Variants in RPS6KA6 observed in about 807,000 individuals in gnomAD.
The protein encoded by RPS6KA6 is ribosomal protein S6 kinase alpha-6.
In RPS6KA6, 27 loss-of-function variants were observed where a neutral mutation model predicts 65.4. That is an observed-to-expected ratio of 0.41 (90% CI 0.30 to 0.57). The LOEUF (loss-of-function observed/expected upper bound fraction) is 0.57. Among genes scored for constraint, RPS6KA6 ranks in the 20% least tolerant of loss-of-function variants. The pLI is 0.24. For synonymous variants in RPS6KA6, 190 were observed against 184.2 expected, an observed-to-expected ratio of 1.03 and a Z score of -0.26; for missense variants, 486 against 555.6, an observed-to-expected ratio of 0.87 and a Z score of 1.26.
intron 2 of RPS6KA6, among the ~76,000 whole-genome samples, chrX:84,160,967 C>T (rs2035501802): frequency 9.0e-6 from 1 of 110,815 alleles, no homozygotes; most frequent in African/African-American, 3.3e-5. Context: ...CAAACTAGTT[C>T]CCACTTGGTT....
chrX:84,178,730 T>C (rs941499279), intron 1 of RPS6KA6, among the ~76,000 whole-genome samples: 1 of 111,338 alleles, frequency 9.0e-6, no homozygotes, highest in African/African-American at 3.3e-5. Flanking sequence ...CATACCTGTG[T>C]AAAAAAGTAG....
intron 8 of RPS6KA6, among the ~76,000 whole-genome samples, chrX:84,133,018 A>G (rs1445558646): frequency 3.6e-5 from 4 of 112,238 alleles, no homozygotes; most frequent in Admixed American, 1.9e-4. Flanking sequence ...AAAATTAAAG[A>G]GAAAGATAAA....
At chrX:84,087,788 T>C (rs2033958050) in intron 20 of RPS6KA6, among the ~76,000 whole-genome samples, 1 of 111,890 alleles carries the variant, frequency 8.9e-6, no homozygotes, top group Non-Finnish European at 1.9e-5. Flanking sequence ...CTCTTTCCGG[T>C]ACCCCAATCA....
intron 2 of RPS6KA6, among the ~76,000 whole-genome samples, chrX:84,156,701 T>C (rs925717150): frequency 1.8e-5 from 2 of 111,720 alleles, no homozygotes; most frequent in South Asian, 7.5e-4. Flanking sequence ...CCAACAAATG[T>C]TTCCAGGCTA....
intron 20 of RPS6KA6, among the ~76,000 whole-genome samples, chrX:84,086,478 C>G (rs1321726764): frequency 9.0e-6 from 1 of 111,524 alleles, no homozygotes; most frequent in Non-Finnish European, 1.9e-5. Context: ...GAGTAAATAT[C>G]TTAATCTTGA....
At chrX:84,154,234 T>C (rs1426714670) in intron 3 of RPS6KA6, among the ~76,000 whole-genome samples, 1 of 111,273 alleles carries the variant, frequency 9.0e-6, no homozygotes, top group African/African-American at 3.3e-5. Context: ...GTGAACAGAG[T>C]GTACTCCTGG....
intron 1 of RPS6KA6, among the ~76,000 whole-genome samples, chrX:84,170,796 C>G (rs747744531): frequency 2.7e-5 from 3 of 111,494 alleles, no homozygotes; most frequent in Non-Finnish European, 5.7e-5. Flanking sequence ...CTTCTATAAT[C>G]CCCATCCCCT....
At chrX:84,097,675 T>G (rs1454809136) in intron 19 of RPS6KA6, 97 bp downstream of exon 19, 1 of 510,107 alleles carries the variant, frequency 2.0e-6, no homozygotes, top group African/African-American at 2.4e-5. Context: ...AAATGTCATT[T>G]TCCTTAAAGT....
chrX:84,137,119 T>C (rs1328060386), intron 6 of RPS6KA6, among the ~76,000 whole-genome samples: 1 of 111,954 alleles, frequency 8.9e-6, no homozygotes, highest in Non-Finnish European at 1.9e-5. Flanking sequence ...TAAAGCACTT[T>C]TAATATTTTG....
chrX:84,149,145 C>T (rs1378721210), intron 3 of RPS6KA6, among the ~76,000 whole-genome samples: 1 of 112,004 alleles, frequency 8.9e-6, no homozygotes, highest in Non-Finnish European at 1.9e-5. Context: ...AACTCCTCAT[C>T]CATTCAAGTT....
intron 1 of RPS6KA6, among the ~76,000 whole-genome samples, chrX:84,172,628 A>C (rs1351473633): frequency 8.9e-6 from 1 of 111,827 alleles, no homozygotes; most frequent in Non-Finnish European, 1.9e-5. Flanking sequence ...AGAACCAAAA[A>C]AATCGAAAGC....
intron 20 of RPS6KA6, among the ~76,000 whole-genome samples, chrX:84,067,738 C>T (rs1569365729): frequency 9.0e-6 from 1 of 111,241 alleles, no homozygotes; most frequent in African/African-American, 3.3e-5. Context: ...GCAAGACATG[C>T]CAACATTCAA....
intron 20 of RPS6KA6, among the ~76,000 whole-genome samples, chrX:84,067,612 T>C (rs1282310745): frequency 8.9e-6 from 1 of 111,785 alleles, no homozygotes; most frequent in Non-Finnish European, 1.9e-5. Flanking sequence ...CAATAAAATG[T>C]GGGTCTATGT....
chrX:84,129,937 C>A (rs1444319887), intron 8 of RPS6KA6, among the ~76,000 whole-genome samples: 1 of 110,612 alleles, frequency 9.0e-6, no homozygotes, highest in African/African-American at 3.3e-5. Context: ...GCTAGCACAA[C>A]AGGGTGAGTA....
chrX:84,088,617 C>A (rs749929777), intron 20 of RPS6KA6, among the ~76,000 whole-genome samples: 32 of 112,063 alleles, frequency 2.9e-4, no homozygotes, highest in Admixed American at 5.7e-4. Context: ...ATCAGGATCC[C>A]ACTTTAAGAA....
intron 2 of RPS6KA6, 113 bp from the exon 3 acceptor site, chrX:84,156,304 A>T (rs2035415391): frequency 2.3e-6 from 1 of 442,205 alleles, no homozygotes. Context: ...TGTAGCAGAG[A>T]GTTTTATGGG....
At chrX:84,068,011 G>A (rs780631607) in intron 20 of RPS6KA6, among the ~76,000 whole-genome samples, 2 of 111,750 alleles carry the variant, frequency 1.8e-5, no homozygotes, top group Admixed American at 9.5e-5. Flanking sequence ...TTCATATACA[G>A]CCAAACTAAA....
intron 18 of RPS6KA6, among the ~76,000 whole-genome samples, chrX:84,099,348 G>A (rs1041402910): frequency 5.4e-5 from 6 of 111,007 alleles, no homozygotes; most frequent in African/African-American, 2.0e-4. Context: ...AAGGCAGAGC[G>A]GTAGGATGAA....
chrX:84,134,714 A>C, intron 8 of RPS6KA6, 68 bp downstream of exon 8: 2 of 748,362 alleles, frequency 2.7e-6, no homozygotes, highest in East Asian at 3.7e-5. Context: ...AGGCTTAGAC[A>C]AATTTATATT....
Sources: allele counts gnomAD v4.1 joint callset (sites outside exome capture counted in the v4.1 genomes callset), GRCh38; gene constraint gnomAD v4.1.1; transcripts MANE v1.5; gene names NCBI Gene and HGNC (gene_info 2026-07-23, HGNC 2026-07-21).